Variants in ZNF649 observed in about 807,000 individuals in gnomAD.
ZNF649 encodes zinc finger protein 649.
Under a neutral mutation model 14.1 loss-of-function variants are expected in ZNF649, and 7 were observed. That is an observed-to-expected ratio of 0.49 (90% CI 0.28 to 0.93). The LOEUF (loss-of-function observed/expected upper bound fraction) is 0.93, where lower values mean the gene tolerates loss of function less well. ZNF649 is among the 40% of genes least tolerant of loss of function. The pLI, the probability that ZNF649 is intolerant of heterozygous loss-of-function variation, is 0.10. For missense variants in ZNF649, 544 were observed against 608.1 expected, an observed-to-expected ratio of 0.89 and a Z score of 1.11; for synonymous variants, 227 against 212.3, an observed-to-expected ratio of 1.07 and a Z score of -0.60.
intron 1 of ZNF649, among the ~76,000 whole-genome samples, chr19:51,901,030 A>C (rs148982644): frequency 2.0e-5 from 3 of 152,346 alleles, no homozygotes; most frequent in African/African-American, 4.8e-5. Flanking sequence ...AGGAAACCAG[A>C]CATAAGTTTC....
chr19:51,894,698 T>C (rs1251064980), intron 4 of ZNF649, among the ~76,000 whole-genome samples: 1 of 152,210 alleles, frequency 6.6e-6, no homozygotes, highest in African/African-American at 2.4e-5. Flanking sequence ...AAAGTTTAAT[T>C]TGTAAATATT....
chr19:51,894,904 G>A (rs1300649041), intron 4 of ZNF649, among the ~76,000 whole-genome samples: 2 of 151,778 alleles, frequency 1.3e-5, no homozygotes, highest in Non-Finnish European at 2.9e-5. Context: ...GACTCACAGA[G>A]CAAGAGGCCT....
intron 4 of ZNF649, 156 bp downstream of exon 4, chr19:51,896,316 T>A: frequency 1.6e-6 from 1 of 613,834 alleles, no homozygotes; most frequent in Non-Finnish European, 2.9e-6. Context: ...CTTCTCTGAA[T>A]TCCTATAAGA....
At chr19:51,900,621 T>C (rs924337074) in intron 1 of ZNF649, among the ~76,000 whole-genome samples, 28 of 152,200 alleles carry the variant, frequency 1.8e-4, no homozygotes, top group African/African-American at 6.3e-4. Context: ...TAAGGAGGCT[T>C]TCCTCCTCAG....
chr19:51,890,502 T>C lies in ZNF649; in HGVS notation c.*116A>G, dbSNP rs2085011602. On this transcript the variant is annotated 3_prime_UTR_variant, in exon 5 of 5. Coordinates refer to ENST00000354957, the MANE Select transcript of ZNF649 (RefSeq NM_023074.4). ...TTATAAGATATAAAAAAGTAAAATA[T>C]ATTTCATATCTTGTAAACCCTACTA... is the stretch of plus-strand genomic sequence containing the variant. 2 of 657,130 alleles carry C rather than the reference T, an allele frequency of 3.0e-6. No individual in the cohort carries two copies. Among genetic ancestry groups the C allele is most frequent in the East Asian group, 5.5e-5 (2 of 36,464 alleles). 40.7% of individuals were successfully genotyped at this position (657,130 alleles called of 1,614,324 possible).
Position 51,890,946 on chromosome 19 carries a change from G to A in ZNF649, c.1190C>T (p.Ser397Leu). The A allele has an allele frequency of 6.2e-7, 1 of 1,613,258 alleles. No homozygotes were observed. Among genetic ancestry groups the A allele is most frequent in the South Asian group, 1.1e-5 (1 of 90,956 alleles). ...ACTGCATTTATAGGGTTTCTCTCCT[G>A]AGTGAATTTTCTGATGTCTAATGAG... Reference protein sequence around the residue: ...SGLIRHQKIHSGEKPYKCSDC... With the variant: ...SGLIRHQKIHLGEKPYKCSDC... Residue 397 changes from serine to leucine, a missense_variant, in exon 5 of 5, where the codon TCA (serine) becomes TTA (leucine). Transcript: ENST00000354957.
chr19:51,902,357 C>T (rs2085099889), intron 1 of ZNF649, among the ~76,000 whole-genome samples: 1 of 152,208 alleles, frequency 6.6e-6, no homozygotes, highest in South Asian at 2.1e-4. Context: ...CCCCCAACTT[C>T]AGACGCAAGT....
In ZNF649 at chr19:51,890,207, AAAT is replaced by A. The variant is rs1393642893; in HGVS notation, c.*408_*410del. 6.3e-6 allele frequency: 1 copy of A among 159,734 alleles called. No individual in the cohort carries two copies. Among genetic ancestry groups the A allele is most frequent in the Non-Finnish European group, 1.4e-5 (1 of 72,428 alleles). The allele number at this position is 159,734 out of a possible 1,614,324, so 9.9% of individuals were successfully genotyped here. On this transcript the variant is annotated 3_prime_UTR_variant, in exon 5 of 5. Transcript: ENST00000354957. ...ATAGCTATGAGAACTATAAAAAATG[AAAT>A]AATGAAGGGTAAAATAATAAAAAGC...
At position 51,891,297 on chromosome 19, in the gene ZNF649, T is replaced by C. The variant is rs776553596; in HGVS notation, c.839A>G (p.His280Arg). ...CTTAATTCCCGTGTGAATCCTTTGATGTTCAGTAAGCTCAGATTTCCTGGG... is the reference window on the plus strand; with the variant it reads ...CTTAATTCCCGTGTGAATCCTTTGACGTTCAGTAAGCTCAGATTTCCTGGG... ...AFPRKSELTE[H>R]QRIHTGIKPH... The change falls in exon 5 of 5, where the codon CAT becomes CGT. Residue 280 changes from histidine (H) to arginine (R), a missense_variant. By Grantham distance (29) the His-to-Arg change is conservative. Transcript: ENST00000354957. The surrounding 1 kb of genome is among the most constrained non-coding windows in gnomAD (Gnocchi z 4.2). 1.9e-6 allele frequency: 3 copies of C among 1,614,266 alleles called. No individual in the cohort carries two copies. The East Asian group carries it at 6.7e-5, about 36-fold the overall frequency.
At position 51,891,223 on chromosome 19, in the gene ZNF649, G is replaced by T. The variant is rs1293179816; in HGVS notation, c.913C>A (p.Leu305Ile). 1.2e-6 allele frequency: 2 copies of T among 1,614,136 alleles called. No individual in the cohort carries two copies. The highest frequency in any genetic ancestry group is 1.7e-6 in the Non-Finnish European group (2 of 1,180,060). Residue 305 changes from leucine (L) to isoleucine (I), a missense_variant, in exon 5 of 5, where the codon CTC becomes ATC. By Grantham distance (5) the Leu-to-Ile change is conservative. Transcript: ENST00000354957. This position sits in a 1 kb window ranked among gnomAD's most constrained non-coding sequence, Gnocchi z 4.2. ...GTATGAGTTCGCTGATGTACAACGAGTAGTGATTTTCTGGAGAAAGCTCTC... is the reference window on the plus strand; with the variant it reads ...GTATGAGTTCGCTGATGTACAACGATTAGTGATTTTCTGGAGAAAGCTCTC... The part of the protein sequence containing the change: ...CGRAFSRKSL[L>I]VVHQRTHTGE...
At chr19:51,901,138 TAGAG>T (rs753781615) in intron 1 of ZNF649, among the ~76,000 whole-genome samples, 4 of 152,098 alleles carry the variant, frequency 2.6e-5, no homozygotes, top group Admixed American at 1.3e-4. Flanking sequence ...GGAAGTTTAT[TAGAG>T]AGAGATTGTG....
intron 4 of ZNF649, 134 bp from the exon 5 acceptor site, chr19:51,892,031 T>A (rs1354569152): frequency 4.6e-6 from 5 of 1,084,812 alleles, no homozygotes; most frequent in Non-Finnish European, 6.3e-6. Context: ...AGTATAAGTG[T>A]TCCCTATCTG....
rs114198053 is a variant in ZNF649, at chr19:51,902,689, T to C, written c.-188+2225A>G. Among the ~76,000 whole-genome samples, 1,114 of 148,894 alleles carry C rather than the reference T, an allele frequency of 7.5e-3. 17 individuals are homozygous for C. Among genetic ancestry groups the C allele is most frequent in the African/African-American group, 0.028 (1,064 of 38,396 alleles). Reference sequence around the variant, plus strand: ...ATCAGAATCATCTGAATCATCAGAATTCTCGATTTGGAATCATCAGAATTC... The same window carrying C: ...ATCAGAATCATCTGAATCATCAGAACTCTCGATTTGGAATCATCAGAATTC... On this transcript the variant is annotated intron_variant, in intron 1 of 4. Coordinates refer to ENST00000354957, the MANE Select transcript of ZNF649 (RefSeq NM_023074.4).
In ZNF649 at chr19:51,890,307, A is replaced by G. The variant is rs2085010363; in HGVS notation, c.*311T>C. On this transcript the variant is annotated 3_prime_UTR_variant, in exon 5 of 5. Transcript: ENST00000354957. Reference sequence around the variant, plus strand: ...TGAACTTGAACAAGGCAAGAGATACAATCTAAACTACAAAGAGAACAAAAG... The same window carrying G: ...TGAACTTGAACAAGGCAAGAGATACGATCTAAACTACAAAGAGAACAAAAG... The G allele has an allele frequency of 3.8e-6, 1 of 265,806 alleles. No individual in the cohort carries two copies. The highest frequency in any genetic ancestry group is 2.2e-5 in the African/African-American group (1 of 45,416). 16.5% of individuals were successfully genotyped at this position (265,806 alleles called of 1,614,324 possible).
At position 51,904,906 on chromosome 19, in the gene ZNF649, A is replaced by G. The variant is rs1201361707; in HGVS notation, c.-188+8T>C. On this transcript the variant is annotated splice_region_variant and intron_variant, in intron 1 of 4. Transcript: ENST00000354957. ...TAACCTACTCCACGGAGAGACCCAAACACTCACCTGATTTTCTTCTGGCTA... is the reference window on the plus strand; with the variant it reads ...TAACCTACTCCACGGAGAGACCCAAGCACTCACCTGATTTTCTTCTGGCTA... The G allele has an allele frequency of 6.6e-6, 1 of 152,288 alleles. No homozygotes were observed. The highest frequency in any genetic ancestry group is 6.5e-5 in the Admixed American group (1 of 15,268). 9.4% of individuals were successfully genotyped at this position (152,288 alleles called of 1,614,324 possible).
intron 1 of ZNF649, among the ~76,000 whole-genome samples, chr19:51,904,713 G>C (rs2085113522): frequency 6.6e-6 from 1 of 152,064 alleles, no homozygotes; most frequent in Non-Finnish European, 1.5e-5. Context: ...GTGACCCTCA[G>C]AGACCCCAAA....
Position 51,890,900 on chromosome 19 carries a change from A to C in ZNF649, c.1236T>G (p.Leu412=), listed in dbSNP as rs1224016774. 1 of 1,614,090 alleles carries C rather than the reference A, an allele frequency of 6.2e-7. No homozygotes were observed. The highest frequency in any genetic ancestry group is 8.5e-7 in the Non-Finnish European group (1 of 1,180,038). ...GATGTACAATGAGCATTGTCTTTGTAAGGAAGGCTTTCCCACAGTCACTGC... is the reference window on the plus strand; with the variant it reads ...GATGTACAATGAGCATTGTCTTTGTCAGGAAGGCTTTCCCACAGTCACTGC... ...YKCSDCGKAF[L]TKTMLIVHHR... The change falls in exon 5 of 5, where the codon CTT becomes CTG. Residue 412 remains leucine (L), a synonymous_variant. Transcript: ENST00000354957.
Position 51,896,506 on chromosome 19 carries a change from T to C in ZNF649, c.204A>G (p.Thr68=). 1 of 1,614,166 alleles carries C rather than the reference T, an allele frequency of 6.2e-7. No individual in the cohort carries two copies. The highest frequency in any genetic ancestry group is 8.5e-7 in the Non-Finnish European group (1 of 1,180,016). ...CTGGACTGTGGATTTCATCTTCTAGTGTCCATAGTGGTTCTCCTTGTTCCA... is the reference window on the plus strand; with the variant it reads ...CTGGACTGTGGATTTCATCTTCTAGCGTCCATAGTGGTTCTCCTTGTTCCA... ...TKLEQGEPLW[T]LEDEIHSPAH... is the part of the protein sequence containing the mutation. Residue 68 remains threonine (T), a synonymous_variant, in exon 4 of 5, where the codon ACA becomes ACG. Coordinates refer to ENST00000354957, the MANE Select transcript of ZNF649 (RefSeq NM_023074.4).
chr19:51,896,354 A>C (rs1360515971), intron 4 of ZNF649, 118 bp downstream of exon 4: 2 of 816,334 alleles, frequency 2.4e-6, no homozygotes. Flanking sequence ...CTAGGGGAGA[A>C]GAAGATGTGG....
Sources: gnomAD v4.1 joint callset for allele counts (sites outside exome capture counted in the v4.1 genomes callset) on GRCh38, gnomAD v4.1.1 for gene constraint, Gnocchi (gnomAD v3.1) non-coding constraint, MANE v1.5 for transcripts, NCBI Gene and HGNC (gene_info 2026-07-23, HGNC 2026-07-21) for gene names.